The following NPSR1 variants were observed in gnomAD, a reference collection of about 807,000 sequenced individuals.
NPSR1 encodes the protein neuropeptide S receptor.
A neutral mutation model predicts 46.9 loss-of-function variants in NPSR1; 48 were observed. The observed-to-expected ratio is 1.02, with a 90% CI of 0.81 to 1.30. The LOEUF (loss-of-function observed/expected upper bound fraction) is 1.30, where lower values mean the gene tolerates loss of function less well. Among genes scored for constraint, NPSR1 ranks in the 50% most tolerant of loss-of-function variants. The pLI is 0.00. For synonymous variants in NPSR1, 176 were observed against 168.1 expected, an observed-to-expected ratio of 1.05 and a Z score of -0.36; for missense variants, 450 against 449.5, an observed-to-expected ratio of 1.00 and a Z score of -0.01.
intron 2 of NPSR1, among the ~76,000 whole-genome samples, chr7:34,704,354 CA>C (rs34287279): frequency 0.38 from 57,590 of 151,632 alleles, 11,532 homozygotes; most frequent in African/African-American, 0.49. Flanking sequence ...CTCTTTCACC[CA>C]AAAAAACTAA....
In NPSR1 at chr7:34,813,844, AAT is replaced by A. The variant is rs1360043519; in HGVS notation, c.478+1982_478+1983del. 7.2e-5 allele frequency among the ~76,000 whole-genome samples: 11 copies of A among 152,338 alleles called. 1 individual carries two copies. In the East Asian group the frequency reaches 9.6e-4, roughly 13 times the overall value. ...CAATGTGTTGTGTGCAATTAAAATGAATTTATTTTGATCATGCTTGTTATGCC... is the reference window on the plus strand; with the variant it reads ...CAATGTGTTGTGTGCAATTAAAATGATTATTTTGATCATGCTTGTTATGCC... On this transcript the variant is annotated intron_variant, in intron 4 of 8. Transcript: ENST00000360581.
chr7:34,823,310 T>C lies in NPSR1; in HGVS notation c.479-4091T>C, dbSNP rs375658817. Among the ~76,000 whole-genome samples, 9 of 148,492 alleles carry C rather than the reference T, an allele frequency of 6.1e-5. No homozygotes were observed. In the East Asian group the frequency reaches 1.8e-3, roughly 30 times the overall value. ...AAGAGGCTGAGGCACAAGAATCGCTTGAACCTGGGAAGCGGAGGTTGCGGT... is the reference window on the plus strand; with the variant it reads ...AAGAGGCTGAGGCACAAGAATCGCTCGAACCTGGGAAGCGGAGGTTGCGGT... On this transcript the variant is annotated intron_variant, in intron 4 of 8. Coordinates refer to ENST00000360581, the MANE Select transcript of NPSR1 (RefSeq NM_207172.2).
chr7:34,784,322 G>A (rs912150148), intron 3 of NPSR1, among the ~76,000 whole-genome samples: 1 of 152,074 alleles, frequency 6.6e-6, no homozygotes, highest in Non-Finnish European at 1.5e-5. Context: ...CTGTGGGTTT[G>A]TCATAGATAG....
downstream of NPSR1, among the ~76,000 whole-genome samples, chr7:34,851,249 A>C: frequency 6.9e-6 from 1 of 145,464 alleles, no homozygotes; most frequent in African/African-American, 2.6e-5. Context: ...TTTTAATAGC[A>C]CTCCATTCCT....
chr7:34,722,310 G>A (rs963377633), intron 2 of NPSR1, among the ~76,000 whole-genome samples: 1 of 152,160 alleles, frequency 6.6e-6, no homozygotes. Context: ...GTAATAAACT[G>A]TAATATGTGG....
At chr7:34,759,989 C>A (rs2128728518) in intron 2 of NPSR1, among the ~76,000 whole-genome samples, 1 of 152,330 alleles carries the variant, frequency 6.6e-6, no homozygotes, top group Non-Finnish European at 1.5e-5. Flanking sequence ...TGGCTTAGTT[C>A]TTTTCACCTT....
intron 3 of NPSR1, among the ~76,000 whole-genome samples, chr7:34,790,945 C>G (rs541527154): frequency 3.1e-5 from 3 of 96,740 alleles, no homozygotes; most frequent in African/African-American, 9.1e-5. Context: ...TATTATATAT[C>G]ATATATGTTA....
intron 2 of NPSR1, chr7:34,751,247 C>A: frequency 9.8e-7 from 1 of 1,018,494 alleles, no homozygotes; most frequent in Non-Finnish European, 1.6e-6. Context: ...TTAGACCGGA[C>A]AATGGGAAGT....
At chr7:34,685,806 G>A (rs1000559397) in intron 2 of NPSR1, 1 of 312,200 alleles carries the variant, frequency 3.2e-6, no homozygotes, top group East Asian at 1.3e-4. Context: ...AACATCCAAG[G>A]CACCAGTGAA....
intron 3 of NPSR1, among the ~76,000 whole-genome samples, chr7:34,791,527 A>G (rs1243541162): frequency 2.0e-5 from 3 of 151,662 alleles, no homozygotes; most frequent in Non-Finnish European, 4.4e-5. Context: ...TTATACAAAA[A>G]AACTATAATA....
chr7:34,815,247 A>C (rs562120127), intron 4 of NPSR1, among the ~76,000 whole-genome samples: 35 of 152,324 alleles, frequency 2.3e-4, no homozygotes, highest in Middle Eastern at 3.4e-3. Context: ...GGAGCTGAAA[A>C]CCATGGCACA....
chr7:34,667,994 G>A (rs1256652129), intron 1 of NPSR1, among the ~76,000 whole-genome samples: 1 of 151,784 alleles, frequency 6.6e-6, no homozygotes, highest in African/African-American at 2.4e-5. Flanking sequence ...CATATGTTAG[G>A]GGGGTTAATA....
chr7:34,716,154 C>G (rs1783551951), intron 2 of NPSR1, among the ~76,000 whole-genome samples: 1 of 152,134 alleles, frequency 6.6e-6, no homozygotes, highest in Non-Finnish European at 1.5e-5. Flanking sequence ...TATTGGAAAA[C>G]ACACCTGAGA....
At chr7:34,748,321 G>A (rs1190188330) in intron 2 of NPSR1, among the ~76,000 whole-genome samples, 1 of 152,182 alleles carries the variant, frequency 6.6e-6, no homozygotes, top group East Asian at 1.9e-4. Context: ...GCGTCTGGCG[G>A]CAAGGGAGGA....
At chr7:34,664,338 T>G (rs774939893) in intron 1 of NPSR1, among the ~76,000 whole-genome samples, 2 of 152,100 alleles carry the variant, frequency 1.3e-5, no homozygotes, top group Non-Finnish European at 2.9e-5. Context: ...AGAGAGTTGT[T>G]GTGAATAGTT....
intron 2 of NPSR1, among the ~76,000 whole-genome samples, chr7:34,717,771 A>G (rs1240860547): frequency 6.6e-6 from 1 of 152,230 alleles, no homozygotes; most frequent in East Asian, 1.9e-4. Context: ...TCAGTGAACA[A>G]TAGCTAATCA....
chr7:34,779,311 G>A (rs1787122819), intron 3 of NPSR1, among the ~76,000 whole-genome samples: 3 of 151,760 alleles, frequency 2.0e-5, no homozygotes, highest in Admixed American at 6.6e-5. Flanking sequence ...TTCATAACTG[G>A]TATTAGGTTT....
chr7:34,825,219 A>G (rs1468639856), intron 4 of NPSR1, among the ~76,000 whole-genome samples: 1 of 152,142 alleles, frequency 6.6e-6, no homozygotes. Flanking sequence ...TCTGATGCTC[A>G]TGCTATCAGT....
At chr7:34,780,697 T>C (rs1410455359) in intron 3 of NPSR1, among the ~76,000 whole-genome samples, 1 of 152,154 alleles carries the variant, frequency 6.6e-6, no homozygotes. Flanking sequence ...CTCTCATTCA[T>C]AGTGAAAACA....
Sources: allele counts gnomAD v4.1 joint callset (sites outside exome capture counted in the v4.1 genomes callset), GRCh38; gene constraint gnomAD v4.1.1; transcripts MANE v1.5; gene names NCBI Gene and HGNC (gene_info 2026-07-23, HGNC 2026-07-21).